The following BACH2 variants were observed in gnomAD, a reference collection of about 807,000 sequenced individuals.
The protein encoded by BACH2 is BACH transcriptional regulator 2.
BACH2 carries 5 observed loss-of-function variants against 61.8 expected under a neutral mutation model. The ratio of observed to expected loss-of-function variants is 0.08; its 90% CI spans 0.04 to 0.17. The LOEUF (loss-of-function observed/expected upper bound fraction) is 0.17. BACH2 is among the 10% of genes least tolerant of loss of function. BACH2 has a pLI of 1.00. For synonymous variants in BACH2, 446 were observed against 440.1 expected, an observed-to-expected ratio of 1.01 and a Z score of -0.17; for missense variants, 824 against 1,091.1, an observed-to-expected ratio of 0.76 and a Z score of 3.45.
chr6:89,950,520 G>T lies in BACH2; in HGVS notation c.1586C>A (p.Ala529Glu). 3 of 1,613,520 alleles carry T rather than the reference G, an allele frequency of 1.9e-6. No individual in the cohort carries two copies. The highest frequency in any genetic ancestry group is 2.5e-6 in the Non-Finnish European group (3 of 1,179,604). Residue 529 changes from alanine to glutamate, a missense_variant, in exon 7 of 9, where the codon GCG (alanine) becomes GAG (glutamate). Ala to Glu is a moderately radical substitution (Grantham distance 107). Around this residue, in one of 8 missense-constraint regions of BACH2, gnomAD observed 160 missense variants for 283.5 expected, o/e 0.56. Transcript: ENST00000257749. The surrounding 1 kb of genome is among the most constrained non-coding windows in gnomAD (Gnocchi z 5.3). ...GGGTGAGCCCCCGCTCCCGTCCTCC[G>T]CGTAGGAATAGGAAGAGCAGGAGCT... The part of the protein sequence containing the change: ...TSSSCSSYSY[A>E]EDGSGGSPCS...
At chr6:90,281,538 ACTG>A (rs773824025) in intron 1 of BACH2, among the ~76,000 whole-genome samples, 4 of 152,136 alleles carry the variant, frequency 2.6e-5, no homozygotes, top group Non-Finnish European at 4.4e-5. Context: ...TAGCTGTTAT[ACTG>A]CTTTTTGTGA....
chr6:90,245,897 A>G (rs1233216611), intron 3 of BACH2, among the ~76,000 whole-genome samples: 1 of 152,240 alleles, frequency 6.6e-6, no homozygotes, highest in Non-Finnish European at 1.5e-5. Flanking sequence ...AATTTTCTCC[A>G]AAGGTCTCCT....
chr6:89,932,957 C>T, intron 8 of BACH2, 67 bp from the exon 9 acceptor site: 1 of 1,482,364 alleles, frequency 6.7e-7, no homozygotes, highest in Non-Finnish European at 9.0e-7. Context: ...GGCCTCGTTT[C>T]AGGTTTTCCA....
chr6:89,951,044 A>C lies in BACH2; in HGVS notation c.1062T>G (p.Ser354=), dbSNP rs1774065313. The part of the protein sequence containing the change: ...LFSITKSVEL[S]GLPSTSQQHF... The stretch of plus-strand genomic sequence containing the variant: ...GCTGCTGAGATGTACTGGGCAGGCC[A>C]GACAGCTCCACACTTTTCGTTATGC... The change falls in exon 7 of 9, where the codon TCT becomes TCG. Residue 354 remains serine, a synonymous_variant. Transcript: ENST00000257749. The surrounding 1 kb of genome is among the most constrained non-coding windows in gnomAD (Gnocchi z 6.4). 6.2e-7 allele frequency: 1 copy of C among 1,610,260 alleles called. No individual in the cohort carries two copies. Among genetic ancestry groups the C allele is most frequent in the African/African-American group, 1.3e-5 (1 of 74,970 alleles).
At chr6:90,271,309 G>A (rs1771510488) in intron 2 of BACH2, among the ~76,000 whole-genome samples, 1 of 133,440 alleles carries the variant, frequency 7.5e-6, no homozygotes, top group African/African-American at 2.9e-5. Context: ...CCTGACAAAG[G>A]ACTAATATCC....
chr6:90,124,764 G>A (rs1203033700), intron 4 of BACH2, among the ~76,000 whole-genome samples: 1 of 152,014 alleles, frequency 6.6e-6, no homozygotes, highest in Non-Finnish European at 1.5e-5. Flanking sequence ...TTTCTGTTTT[G>A]TCATTATTAT....
intron 5 of BACH2, among the ~76,000 whole-genome samples, chr6:90,009,545 T>A (rs1409268196): frequency 6.6e-6 from 1 of 152,230 alleles, no homozygotes; most frequent in Non-Finnish European, 1.5e-5. Flanking sequence ...TGAATTGATG[T>A]ACATCCCCTT....
chr6:90,204,795 G>A (rs542211801), intron 4 of BACH2, among the ~76,000 whole-genome samples: 1 of 152,314 alleles, frequency 6.6e-6, no homozygotes, highest in South Asian at 2.1e-4. Flanking sequence ...CTCCAGTCAT[G>A]ACCCTGGGGC....
chr6:89,970,049 G>A (rs1482738212), intron 6 of BACH2, among the ~76,000 whole-genome samples: 1 of 152,194 alleles, frequency 6.6e-6, no homozygotes, highest in Non-Finnish European at 1.5e-5. Context: ...AGCAAAGAAG[G>A]CATTTCAGAA....
intron 4 of BACH2, among the ~76,000 whole-genome samples, chr6:90,183,335 T>C (rs1748124092): frequency 6.6e-6 from 1 of 152,208 alleles, no homozygotes; most frequent in African/African-American, 2.4e-5. Flanking sequence ...AGTAACCGAG[T>C]TTATGCCTTG....
At chr6:90,014,810 ACTTTGTT>A (rs1307134236) in intron 5 of BACH2, among the ~76,000 whole-genome samples, 1 of 151,482 alleles carries the variant, frequency 6.6e-6, no homozygotes, top group Non-Finnish European at 1.5e-5. Flanking sequence ...ACAGTGTCTC[ACTTTGTT>A]GCCCTGGCTG....
At chr6:90,083,479 A>C (rs1403505021) in intron 5 of BACH2, among the ~76,000 whole-genome samples, 2 of 152,208 alleles carry the variant, frequency 1.3e-5, no homozygotes, top group Non-Finnish European at 2.9e-5. Context: ...CTGAATCTGA[A>C]ATGGAATATT....
chr6:89,955,094 C>T (rs1774352997), intron 6 of BACH2, among the ~76,000 whole-genome samples: 1 of 152,222 alleles, frequency 6.6e-6, no homozygotes, highest in South Asian at 2.1e-4. Flanking sequence ...TTGTAACACC[C>T]TGCAAGGCAG....
chr6:90,010,812 T>C (rs1170277805), intron 5 of BACH2, among the ~76,000 whole-genome samples: 1 of 152,206 alleles, frequency 6.6e-6, no homozygotes. Context: ...TCTTTTTGGG[T>C]TTAATTTGCT....
At chr6:90,136,590 A>G (rs1005225456) in intron 4 of BACH2, among the ~76,000 whole-genome samples, 37 of 152,234 alleles carry the variant, frequency 2.4e-4, no homozygotes, top group African/African-American at 8.9e-4. Flanking sequence ...GAAAATGGCT[A>G]TAGTGAACTG....
intron 7 of BACH2, among the ~76,000 whole-genome samples, chr6:89,939,076 A>G (rs1773215618): frequency 6.6e-6 from 1 of 152,214 alleles, no homozygotes; most frequent in Non-Finnish European, 1.5e-5. Context: ...TCCTTTATCA[A>G]AAGGTGAGAT....
At chr6:90,131,147 A>G (rs1784065181) in intron 4 of BACH2, among the ~76,000 whole-genome samples, 1 of 152,200 alleles carries the variant, frequency 6.6e-6, no homozygotes, top group Non-Finnish European at 1.5e-5. Flanking sequence ...TGTACCAGTT[A>G]TCAGAGGCAT....
chr6:90,092,055 T>A (rs1782180274), intron 4 of BACH2, among the ~76,000 whole-genome samples: 1 of 151,838 alleles, frequency 6.6e-6, no homozygotes, highest in Non-Finnish European at 1.5e-5. Flanking sequence ...AGAGTATACT[T>A]TGTTTTTTCC....
intron 3 of BACH2, among the ~76,000 whole-genome samples, chr6:90,211,878 G>A (rs1305083721): frequency 6.6e-6 from 1 of 152,180 alleles, no homozygotes; most frequent in African/African-American, 2.4e-5. Flanking sequence ...AACGTACCAT[G>A]AGGCCAGTCT....
Sources: gnomAD v4.1 joint callset for allele counts (sites outside exome capture counted in the v4.1 genomes callset) on GRCh38, gnomAD v4.1.1 for gene constraint, gnomAD v4.1.1 regional missense constraint, Gnocchi (gnomAD v3.1) non-coding constraint, MANE v1.5 for transcripts, NCBI Gene and HGNC (gene_info 2026-07-23, HGNC 2026-07-21) for gene names.